SEMA7A: variants seen among roughly 807,000 people sequenced by gnomAD.
The protein encoded by SEMA7A is semaphorin-7A.
In SEMA7A, 21 loss-of-function variants were observed where a neutral mutation model predicts 67.5. That is an observed-to-expected ratio of 0.31 (90% CI 0.22 to 0.45). The LOEUF (loss-of-function observed/expected upper bound fraction) is 0.45, where lower values mean the gene tolerates loss of function less well. Ranked by LOEUF, SEMA7A falls within the 20% of genes least tolerant of loss-of-function variation. The pLI is 1.00. For missense variants in SEMA7A, 774 were observed against 908.6 expected, an observed-to-expected ratio of 0.85 and a Z score of 1.90; for synonymous variants, 364 against 368.5, an observed-to-expected ratio of 0.99 and a Z score of 0.14.
Position 74,417,611 on chromosome 15 carries a change from T to C in SEMA7A, c.530A>G (p.Asn177Ser), listed in dbSNP as rs776496720. The C allele has an allele frequency of 8.7e-6, 14 of 1,612,668 alleles. No individual in the cohort carries two copies. Among genetic ancestry groups the C allele is most frequent in the Admixed American group, 1.7e-5 (1 of 59,974 alleles). Residue 177 changes from asparagine (N) to serine (S), a missense_variant, in exon 5 of 14, where the codon AAC becomes AGC. Asn to Ser is a conservative substitution (Grantham distance 46). Coordinates refer to ENST00000261918, the MANE Select transcript of SEMA7A (RefSeq NM_003612.5). ...CCTACCTTCAAACAGAACCAGGGAG[T>C]TCTCGTCCGGGCTGAAGGGGGCGTA... ...RGYAPFSPDE[N>S]SLVLFEGDEV...
At chr15:74,416,364 C>T (rs748546652) in intron 7 of SEMA7A, among the ~76,000 whole-genome samples, 31 of 152,096 alleles carry the variant, frequency 2.0e-4, no homozygotes, top group African/African-American at 3.9e-4. Flanking sequence ...CACGCTCACA[C>T]GCCATCATAC....
intron 1 of SEMA7A, among the ~76,000 whole-genome samples, chr15:74,431,450 G>A (rs773337948): frequency 6.6e-6 from 1 of 152,200 alleles, no homozygotes; most frequent in Non-Finnish European, 1.5e-5. Flanking sequence ...CCAAGCAGCA[G>A]AAAATAAAGA....
chr15:74,429,114 G>A (rs1650577240), intron 1 of SEMA7A, among the ~76,000 whole-genome samples: 1 of 152,188 alleles, frequency 6.6e-6, no homozygotes, highest in Non-Finnish European at 1.5e-5. Context: ...AAGGCTCCTG[G>A]GGCAGCCACG....
intron 1 of SEMA7A, among the ~76,000 whole-genome samples, chr15:74,433,290 C>T (rs1039909228): frequency 4.6e-5 from 7 of 151,706 alleles, no homozygotes; most frequent in African/African-American, 1.5e-4. Context: ...GGGGTCCGCG[C>T]CCCCCTTGCC....
At chr15:74,417,265 G>A (rs1233828550) in intron 6 of SEMA7A, 70 bp downstream of exon 6, 9 of 1,233,476 alleles carry the variant, frequency 7.3e-6, no homozygotes, top group Non-Finnish European at 7.1e-6. Flanking sequence ...AGAAACATCA[G>A]GATCCCATCT....
Position 74,411,926 on chromosome 15 carries a change from G to A in SEMA7A, c.1381C>T (p.Arg461Cys), listed in dbSNP as rs56001514. 1.1e-4 allele frequency: 177 copies of A among 1,613,928 alleles called. No individual in the cohort carries two copies. Among genetic ancestry groups the A allele is most frequent in the Non-Finnish European group, 7.2e-5 (85 of 1,180,050 alleles). The change falls in exon 11 of 14, where the codon CGC becomes TGC. Residue 461 changes from arginine (R) to cysteine (C), a missense_variant. Physicochemically the swap from Arg to Cys is radical, Grantham distance 180. Transcript: ENST00000261918. The surrounding 1 kb of genome is among the most constrained non-coding windows in gnomAD (Gnocchi z 4.4). ...GACATGGTCTGGATGGCAGCCGCGCGGCGGAAGGGCTGGATCTCCATGATG... is the reference window on the plus strand; with the variant it reads ...GACATGGTCTGGATGGCAGCCGCGCAGCGGAAGGGCTGGATCTCCATGATG... Reference protein sequence around the residue: ...FNIMEIQPFRRAAAIQTMSLD... With the variant: ...FNIMEIQPFRCAAAIQTMSLD...
chr15:74,413,341 G>A (rs885740), intron 10 of SEMA7A, among the ~76,000 whole-genome samples: 55,506 of 152,144 alleles, frequency 0.36, 11,914 homozygotes, highest in African/African-American at 0.59. Context: ...CTATTTTTCA[G>A]TCTAGCCCAA....
At chr15:74,427,390 A>T in intron 1 of SEMA7A, 1 of 985,458 alleles carries the variant, frequency 1.0e-6, no homozygotes, top group Non-Finnish European at 1.2e-6. Context: ...AATGGAGTGC[A>T]GAAGTCATCA....
Position 74,418,721 on chromosome 15 carries a change from C to A in SEMA7A, c.330+80G>T, listed in dbSNP as rs371063574. On this transcript the variant is annotated intron_variant, in intron 2 of 13. Coordinates refer to ENST00000261918, the MANE Select transcript of SEMA7A (RefSeq NM_003612.5). ...GTTTAGGAAGAGAAGCCAGCTCCCT[C>A]GGATTCCCTGAGGACCCTTGGCAGG... 2.0e-6 allele frequency: 3 copies of A among 1,511,048 alleles called. No individual in the cohort carries two copies. The African/African-American group carries it at 4.1e-5, about 21-fold the overall frequency. 93.6% of individuals were successfully genotyped at this position (1,511,048 alleles called of 1,614,324 possible).
In SEMA7A at chr15:74,423,582, C is replaced by T. The variant is rs527613523; in HGVS notation, c.179-4630G>A. 4.3e-4 allele frequency among the ~76,000 whole-genome samples: 66 copies of T among 152,310 alleles called. 1 individual carries two copies. The highest frequency in any genetic ancestry group is 1.5e-3 in the African/African-American group (62 of 41,562). On this transcript the variant is annotated intron_variant, in intron 1 of 13. Transcript: ENST00000261918. This position sits in a 1 kb window ranked among gnomAD's most constrained non-coding sequence, Gnocchi z 4.1. Reference sequence around the variant, plus strand: ...ACTTCCCTGAATCATCCCTACTCTACCCTTCCCTCTCTTGCTCACTAGGTG... The same window carrying T: ...ACTTCCCTGAATCATCCCTACTCTATCCTTCCCTCTCTTGCTCACTAGGTG...
chr15:74,431,732 G>A (rs770154781), intron 1 of SEMA7A, among the ~76,000 whole-genome samples: 6 of 152,240 alleles, frequency 3.9e-5, no homozygotes, highest in African/African-American at 9.6e-5. Context: ...GCTGTCAGTC[G>A]GGCACACCAT....
intron 1 of SEMA7A, among the ~76,000 whole-genome samples, chr15:74,419,957 C>G (rs745471516): frequency 1.6e-4 from 24 of 152,156 alleles, no homozygotes; most frequent in Non-Finnish European, 3.1e-4. Context: ...GATGGGATGG[C>G]CTGTGGTTGT....
chr15:74,416,814 C>G, intron 6 of SEMA7A, 100 bp from the exon 7 acceptor site: 1 of 1,347,688 alleles, frequency 7.4e-7, no homozygotes, highest in Non-Finnish European at 1.0e-6. Context: ...TCTGCACAAA[C>G]CATGGCAAAT....
In SEMA7A at chr15:74,422,247, G is replaced by A. The variant is rs569515429; in HGVS notation, c.179-3295C>T. On this transcript the variant is annotated intron_variant, in intron 1 of 13. Transcript: ENST00000261918. ...GGAAAATGCCTCCCCATCCTCTGGCGTCCCCCACCTCCTGGCTCCCCCTGC... is the reference window on the plus strand; with the variant it reads ...GGAAAATGCCTCCCCATCCTCTGGCATCCCCCACCTCCTGGCTCCCCCTGC... 6.6e-5 allele frequency among the ~76,000 whole-genome samples: 10 copies of A among 152,032 alleles called. 1 individual carries two copies. The South Asian group carries it at 1.7e-3, about 25-fold the overall frequency.
At chr15:74,430,795 C>T (rs755731725) in intron 1 of SEMA7A, among the ~76,000 whole-genome samples, 6 of 152,208 alleles carry the variant, frequency 3.9e-5, no homozygotes, top group Non-Finnish European at 8.8e-5. Flanking sequence ...AATGCTGATG[C>T]TTGGGAAGCC....
At chr15:74,416,784 A>G (rs2060952736) in intron 6 of SEMA7A, 70 bp from the exon 7 acceptor site, 3 of 1,532,592 alleles carry the variant, frequency 2.0e-6, no homozygotes, top group Middle Eastern at 1.8e-4. Flanking sequence ...AACCCTGCAC[A>G]CTCTCCTCCC....
At position 74,411,566 on chromosome 15, in the gene SEMA7A, T is replaced by C; in HGVS notation, c.1567A>G (p.Ser523Gly). The change falls in exon 12 of 14, where the codon AGC (serine) becomes GGC (glycine). Residue 523 changes from serine to glycine, a missense_variant. Coordinates refer to ENST00000261918, the MANE Select transcript of SEMA7A (RefSeq NM_003612.5). This position sits in a 1 kb window ranked among gnomAD's most constrained non-coding sequence, Gnocchi z 4.4. ...TCCCGGCCAACGTACCGTTCGGAGC[T>C]GTAGATGGAGATGCAGCGGCCTTGG... Reference protein sequence around the residue: ...WDQGRCISIYSSERSVLQSIN... With the variant: ...WDQGRCISIYGSERSVLQSIN... The C allele has an allele frequency of 6.4e-7, 1 of 1,573,506 alleles. No homozygotes were observed. Among genetic ancestry groups the C allele is most frequent in the Non-Finnish European group, 8.6e-7 (1 of 1,158,436 alleles).
intron 2 of SEMA7A, among the ~76,000 whole-genome samples, 192 bp from the exon 3 acceptor site, chr15:74,418,501 C>A (rs924063937): frequency 5.3e-5 from 8 of 152,080 alleles, no homozygotes; most frequent in African/African-American, 1.7e-4. Context: ...GAGCTGAGGC[C>A]CAGAGGGTTC....
At chr15:74,433,213 C>CGGGGCG (rs543601640) in intron 1 of SEMA7A, among the ~76,000 whole-genome samples, 16,986 of 150,718 alleles carry the variant, frequency 0.11, 1,834 homozygotes, top group East Asian at 0.43. Flanking sequence ...AGCTCCGGGC[C>CGGGGCG]GGGGCGGGGG....
Sources: allele counts gnomAD v4.1 joint callset (sites outside exome capture counted in the v4.1 genomes callset), GRCh38; gene constraint gnomAD v4.1.1; non-coding constraint Gnocchi (gnomAD v3.1); transcripts MANE v1.5; gene names NCBI Gene and HGNC (gene_info 2026-07-23, HGNC 2026-07-21).